Variants in ATAD1 observed in about 807,000 individuals in gnomAD.
The protein encoded by ATAD1 is ATPase family AAA domain containing 1, also known as outer mitochondrial transmembrane helix translocase.
ATAD1 carries 18 observed loss-of-function variants against 42.7 expected under a neutral mutation model. The observed-to-expected ratio is 0.42, with a 90% confidence interval of 0.29 to 0.63. The LOEUF is 0.63. ATAD1 is among the 20% of genes least tolerant of loss of function. The probability of loss-of-function intolerance (pLI) is 0.19; values close to 1 mark genes in which losing one functional copy is unlikely to be tolerated. For missense variants in ATAD1, 294 were observed against 440.4 expected (o/e 0.67, Z 2.98); for synonymous variants, 132 against 143.1 (o/e 0.92, Z 0.55).
At chr10:87,823,477 G>A (rs1159785346) in intron 1 of ATAD1, among the ~76,000 whole-genome samples, 1 of 152,168 alleles carries the variant, frequency 6.6e-6, no homozygotes, top group African/African-American at 2.4e-5. Flanking sequence ...ATTAGCAGAA[G>A]TTTTAAGGCG....
chr10:87,812,110 T>C (rs1857212318), intron 2 of ATAD1, among the ~76,000 whole-genome samples: 1 of 152,210 alleles, frequency 6.6e-6, no homozygotes, highest in African/African-American at 2.4e-5. Context: ...CCAGGACTGT[T>C]GCAGTCTATC....
At chr10:87,785,121 T>A (rs1855763852) in intron 4 of ATAD1, among the ~76,000 whole-genome samples, 1 of 152,244 alleles carries the variant, frequency 6.6e-6, no homozygotes, top group Non-Finnish European at 1.5e-5. Flanking sequence ...CCAAAGGACA[T>A]GTGCCTTTTT....
chr10:87,795,475 T>TC, intron 2 of ATAD1, among the ~76,000 whole-genome samples: 1 of 151,900 alleles, frequency 6.6e-6, no homozygotes, highest in African/African-American at 2.4e-5. Flanking sequence ...GTTTTTTTTT[T>TC]TTTTAAAGTA....
chr10:87,799,659 T>C (rs983758237), intron 2 of ATAD1, among the ~76,000 whole-genome samples: 1 of 152,144 alleles, frequency 6.6e-6, no homozygotes, highest in African/African-American at 2.4e-5. Context: ...ATAAATAGTC[T>C]AGGTAAACAA....
chr10:87,810,340 T>C (rs1784125694), intron 2 of ATAD1, among the ~76,000 whole-genome samples: 1 of 151,976 alleles, frequency 6.6e-6, no homozygotes, highest in African/African-American at 2.4e-5. Flanking sequence ...GCTTCAGATA[T>C]GTATTTTGCA....
intron 4 of ATAD1, among the ~76,000 whole-genome samples, chr10:87,788,893 G>T (rs1258189375): frequency 6.6e-6 from 1 of 152,088 alleles, no homozygotes; most frequent in African/African-American, 2.4e-5. Context: ...CGGCAGGGGG[G>T]AAATCACAAT....
upstream of ATAD1, among the ~76,000 whole-genome samples, chr10:87,822,877 C>A (rs749341540): frequency 1.3e-5 from 2 of 151,408 alleles, no homozygotes; most frequent in South Asian, 4.2e-4. Flanking sequence ...ACATTGTATG[C>A]CTGTATCAGC....
At chr10:87,816,579 A>G (rs1256442516) in intron 1 of ATAD1, among the ~76,000 whole-genome samples, 1 of 152,204 alleles carries the variant, frequency 6.6e-6, no homozygotes, top group Non-Finnish European at 1.5e-5. Flanking sequence ...TTATAAAGAA[A>G]GCAAAAGAAG....
chr10:87,800,609 T>A (rs1308803919), intron 2 of ATAD1, among the ~76,000 whole-genome samples: 3 of 149,956 alleles, frequency 2.0e-5, no homozygotes, highest in African/African-American at 7.3e-5. Flanking sequence ...AAGCTGAAAT[T>A]AAAAAAAAAA....
intron 1 of ATAD1, chr10:87,832,681 A>G (rs569068518): frequency 2.2e-4 from 34 of 152,286 alleles, no homozygotes; most frequent in African/African-American, 7.5e-4. Flanking sequence ...AATTTAAAAT[A>G]CAATTTAAAA....
chr10:87,760,520 C>A (rs1477822951), intron 8 of ATAD1, among the ~76,000 whole-genome samples: 1 of 152,132 alleles, frequency 6.6e-6, no homozygotes, highest in Non-Finnish European at 1.5e-5. Flanking sequence ...CATAAGTTAT[C>A]CAGTCTCAGG....
intron 1 of ATAD1, among the ~76,000 whole-genome samples, chr10:87,816,008 T>C (rs1262059222): frequency 6.6e-6 from 1 of 152,172 alleles, no homozygotes; most frequent in East Asian, 1.9e-4. Flanking sequence ...CTATCCTAAC[T>C]TCAAAAATCA....
chr10:87,778,528 A>G (rs186755449), intron 5 of ATAD1, among the ~76,000 whole-genome samples: 19 of 152,292 alleles, frequency 1.2e-4, no homozygotes, highest in Admixed American at 9.2e-4. Flanking sequence ...TACCTTATAC[A>G]CATAGAATGA....
At chr10:87,797,831 T>C (rs989980516) in intron 2 of ATAD1, among the ~76,000 whole-genome samples, 3 of 152,302 alleles carry the variant, frequency 2.0e-5, no homozygotes, top group Non-Finnish European at 2.9e-5. Context: ...TATCGCCTTT[T>C]CTACCAAAAT....
At chr10:87,824,585 G>C (rs1028415049) in intron 1 of ATAD1, among the ~76,000 whole-genome samples, 1 of 152,232 alleles carries the variant, frequency 6.6e-6, no homozygotes, top group Non-Finnish European at 1.5e-5. Flanking sequence ...CACTTAGCAA[G>C]TGCTCAGTAA....
At position 87,769,606 on chromosome 10, in the gene ATAD1, T is replaced by C. The variant is rs143478817; in HGVS notation, c.780+1346A>G. 2.2e-3 allele frequency among the ~76,000 whole-genome samples: 338 copies of C among 152,306 alleles called. 3 individuals carry two copies. Among genetic ancestry groups the C allele is most frequent in the African/African-American group, 7.5e-3 (311 of 41,560 alleles). ...CTTCAAGGACCAGGCCCATGTCCCA[T>C]CCACCAGATCCTAGCAGGTCTGTGA... On this transcript the variant is annotated intron_variant, in intron 7 of 9. Coordinates refer to ENST00000680024, the MANE Select transcript of ATAD1 (RefSeq NM_001321967.2).
intron 2 of ATAD1, among the ~76,000 whole-genome samples, chr10:87,796,875 A>G (rs533204456): frequency 1.1e-4 from 17 of 152,342 alleles, no homozygotes; most frequent in African/African-American, 4.1e-4. Context: ...GTGGAGACCT[A>G]AAGTTTATTT....
At chr10:87,818,895 T>A (rs757948001), upstream of ATAD1, 3 of 152,290 alleles carry the variant, frequency 2.0e-5, no homozygotes, top group Non-Finnish European at 2.9e-5. Flanking sequence ...CCCCTTTTCC[T>A]TTCCAGAACG....
intron 8 of ATAD1, chr10:87,759,624 C>A (rs980092346): frequency 5.9e-6 from 2 of 336,822 alleles, no homozygotes; most frequent in Middle Eastern, 3.9e-4. Flanking sequence ...GAAAGATGAA[C>A]CAACCAAGTA....
Sources: gnomAD v4.1 joint callset for allele counts (sites outside exome capture counted in the v4.1 genomes callset) on GRCh38, gnomAD v4.1.1 for gene constraint, MANE v1.5 for transcripts, NCBI Gene and HGNC (gene_info 2026-07-23, HGNC 2026-07-21) for gene names.